The following CALN1 variants were observed in gnomAD, a reference collection of about 807,000 sequenced individuals.
CALN1 encodes calneuron 1.
A neutral mutation model predicts 30.6 loss-of-function variants in CALN1; 17 were observed. The ratio of observed to expected loss-of-function variants is 0.56; its 90% CI spans 0.38 to 0.83. The LOEUF is 0.83. Among genes scored for constraint, CALN1 ranks in the 40% least tolerant of loss-of-function variants. The probability of loss-of-function intolerance (pLI) is 0.00; values close to 1 mark genes in which losing one functional copy is unlikely to be tolerated. For missense variants in CALN1, 291 were observed against 354.9 expected, an observed-to-expected ratio of 0.82 and a Z score of 1.45; for synonymous variants, 156 against 131.4, an observed-to-expected ratio of 1.19 and a Z score of -1.28.
chr7:71,811,982 A>G (rs891483112), intron 5 of CALN1, among the ~76,000 whole-genome samples: 4 of 152,162 alleles, frequency 2.6e-5, no homozygotes, highest in Non-Finnish European at 5.9e-5. Context: ...CCTGGCCAGT[A>G]GTGTCACTTT....
chr7:72,280,916 GT>G (rs1797692547), intron 2 of CALN1, among the ~76,000 whole-genome samples: 1 of 152,100 alleles, frequency 6.6e-6, no homozygotes, highest in African/African-American at 2.4e-5. Flanking sequence ...ACCTAGGCAG[GT>G]GGATCACCTG....
intron 3 of CALN1, among the ~76,000 whole-genome samples, chr7:72,248,944 G>T (rs1345897685): frequency 2.0e-5 from 3 of 152,088 alleles, no homozygotes; most frequent in African/African-American, 7.2e-5. Context: ...AATGTTCCAA[G>T]ATATAAGAGA....
intron 2 of CALN1, among the ~76,000 whole-genome samples, chr7:72,336,109 C>A (rs967650217): frequency 4.6e-5 from 7 of 152,212 alleles, no homozygotes; most frequent in Non-Finnish European, 1.0e-4. Flanking sequence ...TGCACCCTGG[C>A]GCCCCCGGAC....
At chr7:72,392,350 C>T (rs927835152) in intron 2 of CALN1, among the ~76,000 whole-genome samples, 1 of 152,172 alleles carries the variant, frequency 6.6e-6, no homozygotes, top group Non-Finnish European at 1.5e-5. Context: ...TTTATCCCCC[C>T]GAGTTTGGGG....
At chr7:72,271,564 T>TAAAAAAAA (rs1305576740) in intron 3 of CALN1, among the ~76,000 whole-genome samples, 73 of 64,478 alleles carry the variant, frequency 1.1e-3, no homozygotes, top group Non-Finnish European at 1.5e-3. Flanking sequence ...GCCTGCCTTT[T>TAAAAAAAA]AAAAAAAAAA....
At chr7:72,051,812 T>C (rs1481492507) in intron 4 of CALN1, among the ~76,000 whole-genome samples, 2 of 152,190 alleles carry the variant, frequency 1.3e-5, no homozygotes, top group Non-Finnish European at 2.9e-5. Context: ...TGGTGGTCTC[T>C]ATGGAAGCTG....
intron 6 of CALN1, among the ~76,000 whole-genome samples, chr7:71,799,125 G>T (rs1374611310): frequency 1.3e-5 from 2 of 152,190 alleles, no homozygotes; most frequent in Non-Finnish European, 2.9e-5. Context: ...CTAGGGACTG[G>T]TTAGCCTTGC....
At chr7:72,121,535 G>A (rs967999759) in intron 3 of CALN1, among the ~76,000 whole-genome samples, 1 of 148,166 alleles carries the variant, frequency 6.7e-6, no homozygotes, top group African/African-American at 2.5e-5. Context: ...GAGTCCCTCA[G>A]CTTCCTCCTG....
At chr7:72,139,201 CCT>C (rs947372123) in intron 3 of CALN1, among the ~76,000 whole-genome samples, 13 of 152,218 alleles carry the variant, frequency 8.5e-5, no homozygotes, top group Admixed American at 2.0e-4. Context: ...ACATCCATCC[CCT>C]CTTTGATGTC....
chr7:72,010,530 A>T (rs1217199738), intron 5 of CALN1, among the ~76,000 whole-genome samples: 2 of 152,086 alleles, frequency 1.3e-5, no homozygotes, highest in Non-Finnish European at 1.5e-5. Flanking sequence ...GAAAAATTAA[A>T]ATCAGGTGCG....
chr7:72,248,042 G>A (rs1462256899), intron 3 of CALN1, among the ~76,000 whole-genome samples: 15 of 152,164 alleles, frequency 9.9e-5, no homozygotes, highest in Non-Finnish European at 1.5e-5. Flanking sequence ...TTATTGTTCT[G>A]GAAGTCAGAA....
At chr7:71,832,693 C>G (rs900818788) in intron 5 of CALN1, among the ~76,000 whole-genome samples, 1 of 152,104 alleles carries the variant, frequency 6.6e-6, no homozygotes, top group African/African-American at 2.4e-5. Flanking sequence ...CTCTGCCTCC[C>G]AGGCTTAAGT....
At chr7:72,475,060 G>A in the CALN1 span, among the ~76,000 whole-genome samples, 7 of 152,290 alleles carry the variant, frequency 4.6e-5, no homozygotes, top group South Asian at 2.1e-4. Flanking sequence ...CCCAATGACT[G>A]GGTTCTTAAC....
intron 5 of CALN1, among the ~76,000 whole-genome samples, chr7:71,921,239 T>A (rs1794930101): frequency 6.6e-6 from 1 of 152,080 alleles, no homozygotes; most frequent in Admixed American, 6.6e-5. Context: ...AGGGAGAGCA[T>A]TAGGAGAAAT....
At chr7:71,795,743 G>C (rs536621953) in intron 6 of CALN1, among the ~76,000 whole-genome samples, 4 of 151,020 alleles carry the variant, frequency 2.6e-5, no homozygotes, top group Non-Finnish European at 4.4e-5. Context: ...GTGACCTTTC[G>C]TGTCTGGCTT....
chr7:72,443,678 C>T (rs931672011), intron 1 of CALN1, among the ~76,000 whole-genome samples: 1 of 151,904 alleles, frequency 6.6e-6, no homozygotes. Context: ...ATCCACTAGA[C>T]TCATGCCTCA....
chr7:72,298,027 G>C (rs1471728342), intron 2 of CALN1, among the ~76,000 whole-genome samples: 1 of 151,920 alleles, frequency 6.6e-6, no homozygotes, highest in Non-Finnish European at 1.5e-5. Context: ...ATTTTTTTTA[G>C]CTACAAAATC....
intron 4 of CALN1, among the ~76,000 whole-genome samples, chr7:72,048,159 C>A (rs1295220390): frequency 6.6e-6 from 1 of 151,560 alleles, no homozygotes; most frequent in African/African-American, 2.4e-5. Flanking sequence ...CCTGCCTCAA[C>A]CTCCCAAGTA....
chr7:72,276,726 G>C (rs756264688), intron 3 of CALN1, among the ~76,000 whole-genome samples: 3 of 152,034 alleles, frequency 2.0e-5, no homozygotes, highest in Non-Finnish European at 4.4e-5. Context: ...TCTGTCATGG[G>C]ATGAAACAGC....
Sources: gnomAD v4.1 joint callset for allele counts (sites outside exome capture counted in the v4.1 genomes callset) on GRCh38, gnomAD v4.1.1 for gene constraint, MANE v1.5 for transcripts, NCBI Gene and HGNC (gene_info 2026-07-23, HGNC 2026-07-21) for gene names.